The following CDH23 variants were observed in gnomAD, a reference collection of about 807,000 sequenced individuals.
CDH23 encodes the protein cadherin-23.
CDH23 carries 189 observed loss-of-function variants against 317.1 expected under a neutral mutation model. The observed-to-expected ratio is 0.60, with a 90% CI of 0.53 to 0.67. The LOEUF is 0.67. CDH23 is among the 30% of genes least tolerant of loss of function. The pLI is 0.00. For missense variants in CDH23, 4,401 were observed against 4,592.4 expected (o/e 0.96, Z 1.20); for synonymous variants, 1,839 against 1,876.8 (o/e 0.98, Z 0.52).
intron 11 of CDH23, among the ~76,000 whole-genome samples, chr10:71,631,538 A>T (rs1012209676): frequency 1.3e-5 from 2 of 152,252 alleles, no homozygotes; most frequent in Admixed American, 6.5e-5. Context: ...GTAGTGGCAA[A>T]TTAACACGCA....
Position 71,538,525 on chromosome 10 carries a change from C to T in CDH23, c.429+27313C>T, listed in dbSNP as rs113732457. Reference sequence around the variant, plus strand: ...GCCCCAGCCAAAAGCCATTTCTCTTCCTGCTTCCCTGTCATGTCCAACATA... The same window carrying T: ...GCCCCAGCCAAAAGCCATTTCTCTTTCTGCTTCCCTGTCATGTCCAACATA... On this transcript the variant is annotated intron_variant, in intron 6 of 69. Coordinates refer to ENST00000224721, the MANE Select transcript of CDH23 (RefSeq NM_022124.6). Among the ~76,000 whole-genome samples the T allele has an allele frequency of 9.7e-3, 1,485 of 152,312 alleles. 24 individuals are homozygous for T. Among genetic ancestry groups the T allele is most frequent in the African/African-American group, 0.034 (1,417 of 41,556 alleles).
At chr10:71,545,237 G>C (rs1423580735) in intron 6 of CDH23, among the ~76,000 whole-genome samples, 2 of 152,130 alleles carry the variant, frequency 1.3e-5, no homozygotes, top group Non-Finnish European at 1.5e-5. Flanking sequence ...TATTGAGACA[G>C]GCACCGTGCT....
At chr10:71,732,786 G>C in intron 32 of CDH23, 1 of 904,812 alleles carries the variant, frequency 1.1e-6, no homozygotes, top group Non-Finnish European at 1.4e-6. Flanking sequence ...TTCACCTCTG[G>C]TCATCGAAGT....
At chr10:71,814,396 C>T (rs995642311) in intron 69 of CDH23, among the ~76,000 whole-genome samples, 3 of 152,210 alleles carry the variant, frequency 2.0e-5, no homozygotes, top group Non-Finnish European at 4.4e-5. Context: ...GCCTGGGCAA[C>T]AGAGAGAAAC....
intron 3 of CDH23, among the ~76,000 whole-genome samples, chr10:71,476,242 C>T (rs374685474): frequency 3.3e-5 from 5 of 152,172 alleles, no homozygotes; most frequent in African/African-American, 9.7e-5. Context: ...CCGTCCCCAC[C>T]CCTTCATGCA....
At chr10:71,459,187 A>G (rs764511932) in intron 3 of CDH23, among the ~76,000 whole-genome samples, 1 of 145,344 alleles carries the variant, frequency 6.9e-6, no homozygotes, top group Non-Finnish European at 1.5e-5. Context: ...TCCTGGGCTC[A>G]AGTGATCCTC....
chr10:71,463,542 C>T (rs927137128), intron 3 of CDH23, among the ~76,000 whole-genome samples: 7 of 152,300 alleles, frequency 4.6e-5, no homozygotes, highest in African/African-American at 9.6e-5. Context: ...GTCCCCACAG[C>T]GCTGGGAGAG....
chr10:71,511,693 GT>G (rs1323592107), intron 6 of CDH23: 2 of 209,376 alleles, frequency 9.6e-6, no homozygotes, highest in African/African-American at 4.6e-5. Context: ...CCCCTGTACT[GT>G]GTACTCTGAG....
chr10:71,623,032 C>A, intron 11 of CDH23: 1 of 811,140 alleles, frequency 1.2e-6, no homozygotes, highest in Non-Finnish European at 1.5e-6. Flanking sequence ...TGTGCACCAA[C>A]TATGTGCCTG....
chr10:71,646,642 C>T, intron 14 of CDH23, 25 bp downstream of exon 14: 1 of 1,613,986 alleles, frequency 6.2e-7, no homozygotes, highest in Non-Finnish European at 8.5e-7. Flanking sequence ...CACTGCAGGG[C>T]CACTGAGCTC....
intron 14 of CDH23, among the ~76,000 whole-genome samples, chr10:71,657,836 A>G (rs753161668): frequency 6.6e-6 from 1 of 152,020 alleles, no homozygotes; most frequent in Non-Finnish European, 1.5e-5. Flanking sequence ...ATCTCTTCCA[A>G]TTTCCCCACC....
chr10:71,563,335 C>T (rs1589211991), intron 6 of CDH23, among the ~76,000 whole-genome samples: 1 of 152,108 alleles, frequency 6.6e-6, no homozygotes, highest in Admixed American at 6.5e-5. Flanking sequence ...CTGGCTTCCT[C>T]GTTTAGGAGC....
intron 9 of CDH23, among the ~76,000 whole-genome samples, chr10:71,603,264 A>T (rs1453213487): frequency 6.6e-6 from 1 of 151,958 alleles, no homozygotes; most frequent in Non-Finnish European, 1.5e-5. Context: ...TTGTTTTCTT[A>T]AGTGTCTCTC....
intron 69 of CDH23, among the ~76,000 whole-genome samples, chr10:71,814,679 G>GAC (rs1182641381): frequency 7.8e-5 from 3 of 38,374 alleles, no homozygotes; most frequent in African/African-American, 4.8e-4. Flanking sequence ...ACAAGAAGCC[G>GAC]ATACACACAC....
intron 9 of CDH23, among the ~76,000 whole-genome samples, chr10:71,580,672 G>A (rs1257408068): frequency 2.0e-5 from 3 of 152,178 alleles, no homozygotes; most frequent in Non-Finnish European, 4.4e-5. Flanking sequence ...GTTACCACTT[G>A]AACAACACGT....
chr10:71,481,633 G>A (rs1348793949), intron 3 of CDH23, among the ~76,000 whole-genome samples: 1 of 152,190 alleles, frequency 6.6e-6, no homozygotes, highest in African/African-American at 2.4e-5. Context: ...TGGACAAATA[G>A]GTCCAGGTAG....
chr10:71,614,637 TG>T (rs1226790524), intron 9 of CDH23, among the ~76,000 whole-genome samples: 12 of 152,124 alleles, frequency 7.9e-5, no homozygotes, highest in African/African-American at 2.7e-4. Flanking sequence ...CTACTGCCTG[TG>T]GGGACCAGAA....
At position 71,578,009 on chromosome 10, in the gene CDH23, C is replaced by T. The variant is rs1289222584; in HGVS notation, c.832+17C>T. On this transcript the variant is annotated intron_variant, in intron 9 of 69. Coordinates refer to ENST00000224721, the MANE Select transcript of CDH23 (RefSeq NM_022124.6). ...TCGTTTCAGGTAAGACAGAAGGCTG[C>T]CCCTCTCTCCTCTCACCCCTCTGTC... The T allele has an allele frequency of 6.3e-7, 1 of 1,577,956 alleles. No homozygotes were observed. The highest frequency in any genetic ancestry group is 8.6e-7 in the Non-Finnish European group (1 of 1,161,486).
At chr10:71,610,075 G>C (rs1292570167) in intron 9 of CDH23, among the ~76,000 whole-genome samples, 2 of 151,568 alleles carry the variant, frequency 1.3e-5, no homozygotes, top group Non-Finnish European at 2.9e-5. Context: ...CATGATCTTG[G>C]CTCACTGCAA....
Sources: allele counts gnomAD v4.1 joint callset (sites outside exome capture counted in the v4.1 genomes callset), GRCh38; gene constraint gnomAD v4.1.1; transcripts MANE v1.5; gene names NCBI Gene and HGNC (gene_info 2026-07-23, HGNC 2026-07-21).